Variants in FARP1 observed in about 807,000 individuals in gnomAD.
FARP1 encodes the protein FERM, ARH/RhoGEF and pleckstrin domain protein 1.
In FARP1, 52 loss-of-function variants were observed where a neutral mutation model predicts 128.8. The observed-to-expected ratio is 0.40, with a 90% confidence interval of 0.32 to 0.51. The LOEUF (loss-of-function observed/expected upper bound fraction) is 0.51, where lower values mean the gene tolerates loss of function less well. Ranked by LOEUF, FARP1 falls within the 20% of genes least tolerant of loss-of-function variation. The pLI is 0.45. For missense variants in FARP1, 1,333 were observed against 1,367.9 expected (o/e 0.97, Z 0.40); for synonymous variants, 580 against 551.8 (o/e 1.05, Z -0.72).
intron 2 of FARP1, among the ~76,000 whole-genome samples, chr13:98,342,294 A>G (rs566476731): frequency 6.0e-4 from 92 of 152,356 alleles, no homozygotes; most frequent in Non-Finnish European, 1.1e-3. Context: ...GTCCAGAAAT[A>G]TTTATAACAC....
At chr13:98,182,900 G>A (rs528523203) in intron 1 of FARP1, among the ~76,000 whole-genome samples, 1 of 152,292 alleles carries the variant, frequency 6.6e-6, no homozygotes, top group South Asian at 2.1e-4. Flanking sequence ...GTGCCCATGA[G>A]GTTCTCTGAT....
In FARP1 at chr13:98,347,089, C is replaced by G. The variant is rs558797962; in HGVS notation, c.276+3223C>G. The stretch of plus-strand genomic sequence containing the variant: ...GCTTGTATGAACTGAGGAAGAGCAT[C>G]TCACCTTGTGAGAATCGTAAGCACC... On this transcript the variant is annotated intron_variant, in intron 3 of 26. Transcript: ENST00000319562. Among the ~76,000 whole-genome samples, 15 of 152,306 alleles carry G rather than the reference C, an allele frequency of 9.8e-5. No individual in the cohort carries two copies. In the South Asian group the frequency reaches 1.9e-3, roughly 19 times the overall value.
intron 2 of FARP1, among the ~76,000 whole-genome samples, chr13:98,255,685 C>T (rs1029267122): frequency 2.0e-5 from 3 of 152,078 alleles, no homozygotes; most frequent in African/African-American, 7.3e-5. Flanking sequence ...TTTATAGTTC[C>T]CCTACCTAGC....
chr13:98,355,688 T>G (rs1368431833), intron 3 of FARP1, among the ~76,000 whole-genome samples: 1 of 152,218 alleles, frequency 6.6e-6, no homozygotes, highest in African/African-American at 2.4e-5. Context: ...TTTTTAAAAA[T>G]TTTCCGTATT....
intron 2 of FARP1, among the ~76,000 whole-genome samples, chr13:98,253,574 G>C (rs1883448031): frequency 6.6e-6 from 1 of 152,190 alleles, no homozygotes. Flanking sequence ...TCAAAAGGTG[G>C]TTGTGAGGAT....
intron 2 of FARP1, among the ~76,000 whole-genome samples, chr13:98,309,601 G>A (rs1400183867): frequency 6.6e-6 from 1 of 152,158 alleles, no homozygotes; most frequent in Non-Finnish European, 1.5e-5. Flanking sequence ...AGGCTGGTGC[G>A]AGATGGGAGA....
chr13:98,277,109 TACAC>T (rs368911842), intron 2 of FARP1, among the ~76,000 whole-genome samples: 102 of 118,198 alleles, frequency 8.6e-4, no homozygotes, highest in Admixed American at 2.2e-3. Flanking sequence ...TCTAGAAAAA[TACAC>T]ACACACACAC....
chr13:98,349,672 G>GA (rs56376512), intron 3 of FARP1, among the ~76,000 whole-genome samples: 5,884 of 59,338 alleles, frequency 0.099, 829 homozygotes, highest in East Asian at 0.13. Context: ...CCATCTCAGG[G>GA]AAAAAAAAAA....
intron 3 of FARP1, among the ~76,000 whole-genome samples, chr13:98,349,731 A>G (rs1277483792): frequency 6.6e-6 from 1 of 150,804 alleles, no homozygotes; most frequent in Non-Finnish European, 1.5e-5. Context: ...GATAAAATCA[A>G]TTCTGGTTTC....
At chr13:98,143,988 G>A (rs1875299408) in intron 1 of FARP1, among the ~76,000 whole-genome samples, 1 of 152,132 alleles carries the variant, frequency 6.6e-6, no homozygotes, top group South Asian at 2.1e-4. Context: ...GTTCCCGGCG[G>A]GTGACAAAGA....
At chr13:98,430,601 CG>C (rs1211037299) in intron 17 of FARP1, among the ~76,000 whole-genome samples, 1 of 152,170 alleles carries the variant, frequency 6.6e-6, no homozygotes, top group East Asian at 1.9e-4. Context: ...TCTGAGCAGA[CG>C]GGGCGAGGGA....
At chr13:98,357,953 A>G (rs1888705766) in intron 3 of FARP1, among the ~76,000 whole-genome samples, 1 of 151,748 alleles carries the variant, frequency 6.6e-6, no homozygotes, top group East Asian at 1.9e-4. Context: ...CTAAAGCGTG[A>G]CTCTTCAGCA....
chr13:98,272,852 C>G (rs1566819145), intron 2 of FARP1, among the ~76,000 whole-genome samples: 1 of 152,144 alleles, frequency 6.6e-6, no homozygotes, highest in Non-Finnish European at 1.5e-5. Flanking sequence ...CTGAACTATT[C>G]TGAACTCTTA....
intron 2 of FARP1, among the ~76,000 whole-genome samples, chr13:98,237,514 G>A (rs1490314895): frequency 6.6e-6 from 1 of 152,154 alleles, no homozygotes; most frequent in Non-Finnish European, 1.5e-5. Context: ...AGTGTTTTTA[G>A]TATCTGCTTC....
chr13:98,395,702 C>G, intron 13 of FARP1: 2 of 490,748 alleles, frequency 4.1e-6, no homozygotes, highest in Non-Finnish European at 7.0e-6. Flanking sequence ...AGGGCTTCCC[C>G]GCACTCTGCG....
At chr13:98,336,426 C>G (rs187485030) in intron 2 of FARP1, among the ~76,000 whole-genome samples, 2 of 152,050 alleles carry the variant, frequency 1.3e-5, no homozygotes, top group Admixed American at 1.3e-4. Context: ...CGCGCCACCA[C>G]GCCCAGATAA....
chr13:98,371,914 CTT>C (rs1169095427), intron 5 of FARP1, among the ~76,000 whole-genome samples: 5 of 152,224 alleles, frequency 3.3e-5, no homozygotes, highest in African/African-American at 9.6e-5. Context: ...AAATTGCACT[CTT>C]TTGTTAAACA....
intron 1 of FARP1, among the ~76,000 whole-genome samples, chr13:98,179,651 T>A (rs1191384962): frequency 1.3e-5 from 2 of 151,760 alleles, no homozygotes; most frequent in Non-Finnish European, 2.9e-5. Context: ...GATCACGAGG[T>A]CAGGAGATCG....
chr13:98,448,147 T>A (rs1892973442), intron 26 of FARP1, 89 bp from the exon 27 acceptor site: 1 of 1,150,014 alleles, frequency 8.7e-7, no homozygotes, highest in Non-Finnish European at 1.3e-6. Context: ...CGGCCTGACT[T>A]CACCTTGTGT....
Sources: allele counts gnomAD v4.1 joint callset (sites outside exome capture counted in the v4.1 genomes callset), GRCh38; gene constraint gnomAD v4.1.1; transcripts MANE v1.5; gene names NCBI Gene and HGNC (gene_info 2026-07-23, HGNC 2026-07-21).